NIPAL2: variants seen among roughly 807,000 people sequenced by gnomAD.
NIPAL2 encodes NIPA like domain containing 2.
A neutral mutation model predicts 48.9 loss-of-function variants in NIPAL2; 43 were observed. The ratio of observed to expected loss-of-function variants is 0.88; its 90% CI spans 0.69 to 1.13. The LOEUF (loss-of-function observed/expected upper bound fraction) is 1.13, where lower values mean the gene tolerates loss of function less well. Among genes scored for constraint, NIPAL2 ranks in the 50% most tolerant of loss-of-function variants. The pLI, the probability that NIPAL2 is intolerant of heterozygous loss-of-function variation, is 0.00. For missense variants in NIPAL2, 446 were observed against 461.4 expected (o/e 0.97, Z 0.31); for synonymous variants, 167 against 174.6 (o/e 0.96, Z 0.34).
chr8:98,270,599 A>G (rs1280163457), intron 1 of NIPAL2, among the ~76,000 whole-genome samples: 2 of 151,978 alleles, frequency 1.3e-5, no homozygotes, highest in African/African-American at 4.8e-5. Flanking sequence ...CTCTAGACTA[A>G]TACATCTTTG....
At chr8:98,219,175 C>T (rs1043306316) in intron 5 of NIPAL2, among the ~76,000 whole-genome samples, 36 of 152,044 alleles carry the variant, frequency 2.4e-4, no homozygotes, top group Admixed American at 1.3e-4. Context: ...TGATATGTTA[C>T]ATTTAAGGAG....
At chr8:98,270,190 G>T (rs990542117) in intron 1 of NIPAL2, among the ~76,000 whole-genome samples, 1 of 151,994 alleles carries the variant, frequency 6.6e-6, no homozygotes, top group Non-Finnish European at 1.5e-5. Context: ...TTTTCCTTTG[G>T]GTATATACCC....
In NIPAL2 at chr8:98,252,598, G is replaced by C. The variant is rs779044381; in HGVS notation, c.241C>G (p.Pro81Ala). 6.2e-7 allele frequency: 1 copy of C among 1,613,050 alleles called. No homozygotes were observed. ...SHLQLAQQEHPRPYFKSVLWW... is the reference protein window; with the variant it reads ...SHLQLAQQEHARPYFKSVLWW... Reference sequence around the variant, plus strand: ...AGCACACTCTTGAAGTATGGCCTTGGGTGCTCTTGTTGTGCCAGCTGAAGG... The same window carrying C: ...AGCACACTCTTGAAGTATGGCCTTGCGTGCTCTTGTTGTGCCAGCTGAAGG... The change falls in exon 3 of 11, where the codon CCA becomes GCA. Residue 81 changes from proline (P) to alanine (A), a missense_variant. Pro to Ala is a conservative substitution (Grantham distance 27, BLOSUM62 -1). Coordinates refer to ENST00000430223, the MANE Select transcript of NIPAL2 (RefSeq NM_001321635.2).
intron 1 of NIPAL2, among the ~76,000 whole-genome samples, chr8:98,255,216 T>C (rs1813814578): frequency 6.6e-6 from 1 of 152,240 alleles, no homozygotes; most frequent in Admixed American, 6.5e-5. Context: ...AAGATGTTTA[T>C]CATAGATAGC....
chr8:98,257,297 C>T (rs1200820417), intron 1 of NIPAL2, among the ~76,000 whole-genome samples: 1 of 150,348 alleles, frequency 6.7e-6, no homozygotes, highest in Non-Finnish European at 1.5e-5. Flanking sequence ...AGATAGCAGG[C>T]CCTGAAAGGA....
chr8:98,192,885 G>A lies in NIPAL2; in HGVS notation c.*93C>T. The A allele has an allele frequency of 1.3e-6, 1 of 779,652 alleles. No individual in the cohort carries two copies. The highest frequency in any genetic ancestry group is 2.2e-6 in the Non-Finnish European group (1 of 447,234). The allele number at this position is 779,652 out of a possible 1,614,324, so 48.3% of individuals were successfully genotyped here. On this transcript the variant is annotated 3_prime_UTR_variant, in exon 11 of 11. Transcript: ENST00000430223. Reference sequence around the variant, plus strand: ...CTGAAATGAATGCTAGCACATGTTAGCTTATAAAAGAGCTGCTGACACAAA... The same window carrying A: ...CTGAAATGAATGCTAGCACATGTTAACTTATAAAAGAGCTGCTGACACAAA...
At chr8:98,204,527 G>A (rs1410711145) in intron 7 of NIPAL2, among the ~76,000 whole-genome samples, 1 of 152,090 alleles carries the variant, frequency 6.6e-6, no homozygotes, top group Non-Finnish European at 1.5e-5. Flanking sequence ...TGGAGTGGGG[G>A]CAGGGAAGAG....
intron 8 of NIPAL2, among the ~76,000 whole-genome samples, chr8:98,201,580 T>C (rs1243209329): frequency 2.0e-5 from 3 of 152,064 alleles, no homozygotes; most frequent in Admixed American, 1.3e-4. Context: ...AGAGATGACA[T>C]CTTGCTATGT....
At chr8:98,242,999 G>T (rs1470284588) in intron 3 of NIPAL2, among the ~76,000 whole-genome samples, 2 of 152,162 alleles carry the variant, frequency 1.3e-5, no homozygotes, top group Non-Finnish European at 2.9e-5. Flanking sequence ...AACCCAAAGG[G>T]TGGTTCTGTA....
At chr8:98,290,014 C>T (rs1204419504) in intron 1 of NIPAL2, among the ~76,000 whole-genome samples, 1 of 152,158 alleles carries the variant, frequency 6.6e-6, no homozygotes, top group African/African-American at 2.4e-5. Flanking sequence ...ACATTGTTTT[C>T]AAGCCTTAGT....
intron 6 of NIPAL2, among the ~76,000 whole-genome samples, chr8:98,208,866 T>C (rs548384883): frequency 9.9e-5 from 15 of 152,196 alleles, no homozygotes; most frequent in Non-Finnish European, 2.1e-4. Context: ...CCATTTTTTA[T>C]CAATCACACA....
intron 1 of NIPAL2, among the ~76,000 whole-genome samples, chr8:98,293,113 T>C (rs147194043): frequency 2.3e-4 from 35 of 152,364 alleles, no homozygotes; most frequent in African/African-American, 8.2e-4. Flanking sequence ...TCTTTGATAA[T>C]TGGTTAAACT....
intron 3 of NIPAL2, among the ~76,000 whole-genome samples, chr8:98,245,052 C>T (rs892986307): frequency 6.6e-6 from 1 of 152,108 alleles, no homozygotes; most frequent in African/African-American, 2.4e-5. Flanking sequence ...AAGAAAATAA[C>T]CCATGACATG....
chr8:98,208,781 C>T (rs1811164824), intron 6 of NIPAL2, among the ~76,000 whole-genome samples: 1 of 152,128 alleles, frequency 6.6e-6, no homozygotes. Flanking sequence ...CCACTACTGG[C>T]AAAGTGGGCC....
At chr8:98,234,724 T>C (rs969319708) in intron 4 of NIPAL2, among the ~76,000 whole-genome samples, 2 of 151,596 alleles carry the variant, frequency 1.3e-5, no homozygotes, top group African/African-American at 2.4e-5. Flanking sequence ...TTTTTTTTTT[T>C]TTTTTTCAGT....
chr8:98,213,176 C>A (rs1811405285), intron 5 of NIPAL2, among the ~76,000 whole-genome samples: 1 of 152,214 alleles, frequency 6.6e-6, no homozygotes. Flanking sequence ...TGAAGTCTCT[C>A]ATGTGCCCCT....
chr8:98,234,707 C>T (rs1250031974), intron 4 of NIPAL2, among the ~76,000 whole-genome samples: 5 of 96,346 alleles, frequency 5.2e-5, no homozygotes, highest in Non-Finnish European at 2.2e-5. Context: ...GACACCACAC[C>T]TGTCTATTTT....
At chr8:98,270,641 T>C (rs1815072388) in intron 1 of NIPAL2, among the ~76,000 whole-genome samples, 1 of 152,112 alleles carries the variant, frequency 6.6e-6, no homozygotes, top group Non-Finnish European at 1.5e-5. Context: ...ATTTTTTTCT[T>C]TCTATAGGTT....
At chr8:98,213,271 T>A (rs1811412518) in intron 5 of NIPAL2, among the ~76,000 whole-genome samples, 1 of 152,188 alleles carries the variant, frequency 6.6e-6, no homozygotes, top group Non-Finnish European at 1.5e-5. Context: ...TTCTTTATGG[T>A]TTATCACATT....
Sources: allele counts gnomAD v4.1 joint callset (sites outside exome capture counted in the v4.1 genomes callset), GRCh38; gene constraint gnomAD v4.1.1; transcripts MANE v1.5; gene names NCBI Gene and HGNC (gene_info 2026-07-23, HGNC 2026-07-21).